Variants in NLGN4Y observed in about 807,000 individuals in gnomAD.
The protein encoded by NLGN4Y is neuroligin 4 Y-linked.
In NLGN4Y, 4 loss-of-function variants were observed where a neutral mutation model predicts 8.4. The observed-to-expected ratio is 0.48, with a 90% CI of 0.23 to 1.09. The LOEUF is 1.09. Among genes scored for constraint, NLGN4Y ranks in the 50% least tolerant of loss-of-function variants. NLGN4Y has a pLI of 0.19. For synonymous variants in NLGN4Y, 35 were observed against 75.6 expected (o/e 0.46, Z 2.78); for missense variants, 90 against 192.3 (o/e 0.47, Z 3.15).
At chrY:14,753,192 G>T in intron 4 of NLGN4Y, among the ~76,000 whole-genome samples, 3 of 30,742 alleles carry the variant, frequency 9.8e-5, no homozygotes, top group Non-Finnish European at 2.3e-4. Context: ...AGGCTGGAGT[G>T]CAATGGCGTG....
chrY:14,697,492 TGATAGATAGATAGATAGATA>T (rs34461404), intron 2 of NLGN4Y, among the ~76,000 whole-genome samples: 1 of 19,199 alleles, frequency 5.2e-5, no homozygotes, highest in African/African-American at 2.4e-4. Context: ...AGCAGATAGG[TGATAGATAGATAGATAGATA>T]GATAGATAGA....
At chrY:14,731,313 G>A (rs951481719) in intron 4 of NLGN4Y, among the ~76,000 whole-genome samples, 2 of 31,802 alleles carry the variant, frequency 6.3e-5, no homozygotes, top group African/African-American at 2.5e-4. Flanking sequence ...GATTACAGGC[G>A]TGAGCCACTA....
intron 4 of NLGN4Y, among the ~76,000 whole-genome samples, chrY:14,808,364 A>G (rs1022735755): frequency 3.0e-5 from 1 of 33,606 alleles, no homozygotes; most frequent in African/African-American, 1.2e-4. Context: ...TCAGCTTTCT[A>G]TGTGAGGACT....
intron 4 of NLGN4Y, among the ~76,000 whole-genome samples, chrY:14,804,925 TAA>T (rs2043051380): frequency 3.0e-5 from 1 of 33,633 alleles, no homozygotes; most frequent in Non-Finnish European, 7.3e-5. Context: ...GGATTGGCTG[TAA>T]ATACAGAGGA....
At chrY:14,578,207 C>T in intron 1 of NLGN4Y, among the ~76,000 whole-genome samples, 2 of 31,634 alleles carry the variant, frequency 6.3e-5, no homozygotes, top group Non-Finnish European at 1.5e-4. Context: ...CCATGTACCC[C>T]AGAACTTAAA....
chrY:14,585,370 G>T, intron 1 of NLGN4Y, among the ~76,000 whole-genome samples: 1 of 33,388 alleles, frequency 3.0e-5, no homozygotes, highest in Non-Finnish European at 7.4e-5. Context: ...ACTTGGATGG[G>T]ATTGGGATTT....
intron 4 of NLGN4Y, among the ~76,000 whole-genome samples, chrY:14,793,398 G>C (rs778968108): frequency 3.0e-5 from 1 of 33,310 alleles, no homozygotes; most frequent in East Asian, 7.9e-4. Context: ...TCCCTCTCTG[G>C]AGACCACTGG....
chrY:14,841,202 C>A lies in NLGN4Y; in HGVS notation c.2451C>A (p.Thr817=). The A allele has an allele frequency of 2.5e-6, 1 of 396,122 alleles. No homozygotes were observed. The highest frequency in any genetic ancestry group is 7.6e-5 in the Admixed American group (1 of 13,123). The change falls in exon 7 of 7, where the codon ACC becomes ACA. Residue 817 remains threonine (T), a synonymous_variant. Transcript: ENST00000684976. ...TGCAGCCTTTACACACTTTTAAAACCTTCAGTGGAGGACAAAACAGTACAA... is the reference window on the plus strand; with the variant it reads ...TGCAGCCTTTACACACTTTTAAAACATTCAGTGGAGGACAAAACAGTACAA... The part of the protein sequence containing the change: ...MGMQPLHTFK[T]FSGGQNSTNL...
At chrY:14,652,619 A>G in intron 2 of NLGN4Y, among the ~76,000 whole-genome samples, 2 of 33,032 alleles carry the variant, frequency 6.1e-5, no homozygotes, top group Non-Finnish European at 1.5e-4. Context: ...TGTTTATATT[A>G]TAAAGCTTTT....
rs373061731 is a variant in NLGN4Y at position 14,536,784 on chromosome Y, C to G, written c.-112+12076C>G. On this transcript the variant is annotated intron_variant, in intron 1 of 6. Coordinates refer to ENST00000684976, the MANE Select transcript of NLGN4Y (RefSeq NM_001365588.1). ...AGGTGTGGGTGGTGCATGTCTGTATCCCTGCTACTCAGGAGGCTGAGGTAT... is the reference window on the plus strand; with the variant it reads ...AGGTGTGGGTGGTGCATGTCTGTATGCCTGCTACTCAGGAGGCTGAGGTAT... Among the ~76,000 whole-genome samples the G allele has an allele frequency of 4.4e-3, 145 of 32,741 alleles. No individual in the cohort carries two copies. The East Asian group carries it at 0.1, about 23-fold the overall frequency. 87.8% of individuals were successfully genotyped at this position (32,741 alleles called of 37,273 possible). A position where few individuals can be genotyped will look rare whatever the true frequency, so the allele number is the denominator to read the frequency against.
intron 2 of NLGN4Y, among the ~76,000 whole-genome samples, chrY:14,657,977 A>C: frequency 6.0e-5 from 2 of 33,427 alleles, no homozygotes. Flanking sequence ...AAACTTTAAA[A>C]AAGAGGGATA....
intron 2 of NLGN4Y, among the ~76,000 whole-genome samples, chrY:14,685,558 C>T (rs531460622): frequency 2.7e-4 from 9 of 33,261 alleles, no homozygotes; most frequent in African/African-American, 1.0e-3. Flanking sequence ...GATTGCATTG[C>T]CTTCTTCTGC....
chrY:14,597,341 C>T, intron 1 of NLGN4Y, among the ~76,000 whole-genome samples: 2 of 32,461 alleles, frequency 6.2e-5, no homozygotes, highest in Non-Finnish European at 1.5e-4. Flanking sequence ...GGAAGAGGAC[C>T]GGAGCGAGTT....
intron 1 of NLGN4Y, among the ~76,000 whole-genome samples, chrY:14,577,243 C>A: frequency 3.0e-5 from 1 of 33,734 alleles, no homozygotes; most frequent in Non-Finnish European, 7.3e-5. Context: ...GTAGCACACA[C>A]ACCAACCAAG....
chrY:14,645,251 C>A (rs2080606245), intron 2 of NLGN4Y, among the ~76,000 whole-genome samples: 1 of 21,521 alleles, frequency 4.6e-5, no homozygotes, highest in Non-Finnish European at 9.5e-5. Context: ...TGGCTCAGTG[C>A]AAGCTCTGCC....
At chrY:14,620,215 G>A (rs2080503576) in intron 1 of NLGN4Y, among the ~76,000 whole-genome samples, 2 of 32,905 alleles carry the variant, frequency 6.1e-5, no homozygotes, top group Non-Finnish European at 1.5e-4. Flanking sequence ...TATTCTCTTG[G>A]GGAAGGCTCC....
chrY:14,745,769 C>T (rs372017220), intron 4 of NLGN4Y, among the ~76,000 whole-genome samples: 1 of 33,316 alleles, frequency 3.0e-5, no homozygotes, highest in East Asian at 8.1e-4. Flanking sequence ...CTCCAATCTA[C>T]CCCTAAGAGG....
intron 1 of NLGN4Y, among the ~76,000 whole-genome samples, chrY:14,546,768 T>G: frequency 3.0e-5 from 1 of 33,155 alleles, no homozygotes; most frequent in South Asian, 6.9e-4. Flanking sequence ...TACCTTTTAT[T>G]TCCTTCTCCT....
intron 2 of NLGN4Y, among the ~76,000 whole-genome samples, chrY:14,670,746 T>C (rs934535425): frequency 2.7e-4 from 9 of 33,472 alleles, no homozygotes; most frequent in Admixed American, 1.1e-3. Flanking sequence ...TCCCTTGAAA[T>C]TGTAGAGGCA....
Sources: allele counts gnomAD v4.1 joint callset (sites outside exome capture counted in the v4.1 genomes callset), GRCh38; gene constraint gnomAD v4.1.1; transcripts MANE v1.5; gene names NCBI Gene and HGNC (gene_info 2026-07-23, HGNC 2026-07-21).